DENR: variants seen among roughly 807,000 people sequenced by gnomAD.
DENR encodes density-regulated protein.
DENR carries 6 observed loss-of-function variants against 30.6 expected under a neutral mutation model. The ratio of observed to expected loss-of-function variants is 0.20; its 90% CI spans 0.11 to 0.39. The LOEUF is 0.39. Ranked by LOEUF, DENR falls within the 10% of genes least tolerant of loss-of-function variation. DENR has a pLI of 1.00. For missense variants in DENR, 141 were observed against 230.9 expected (o/e 0.61, Z 2.52); for synonymous variants, 78 against 72.1 (o/e 1.08, Z -0.41).
Position 122,769,196 on chromosome 12 carries a change from G to T in DENR, c.*118G>T, listed in dbSNP as rs1411086592. On this transcript the variant is annotated 3_prime_UTR_variant, in exon 8 of 8. Transcript: ENST00000280557. ...TATATATGTATATATACACATATAT[G>T]TATGTATACACATATACACATGTAT... 2.0e-6 allele frequency: 2 copies of T among 979,256 alleles called. No individual in the cohort carries two copies. The highest frequency in any genetic ancestry group is 2.7e-6 in the Non-Finnish European group (2 of 751,554). 60.7% of individuals were successfully genotyped at this position (979,256 alleles called of 1,614,324 possible).
chr12:122,769,307 CACATATGTATACATATATAT>C lies in DENR; in HGVS notation c.*231_*250del. On this transcript the variant is annotated 3_prime_UTR_variant, in exon 8 of 8. Transcript: ENST00000280557. ...ATACACATATATGTATACATATATA[CACATATGTATACATATATAT>C]ATATTCTACAGTAAAACTGTAGACT... 1.4e-6 allele frequency: 1 copy of C among 720,254 alleles called. No homozygotes were observed. The highest frequency in any genetic ancestry group is 1.6e-6 in the Non-Finnish European group (1 of 641,064). 44.6% of individuals were successfully genotyped at this position (720,254 alleles called of 1,614,324 possible). A position where few individuals can be genotyped will look rare whatever the true frequency, so the allele number is the denominator to read the frequency against.
chr12:122,754,648 TA>T (rs899026617), intron 2 of DENR, among the ~76,000 whole-genome samples: 11 of 152,204 alleles, frequency 7.2e-5, no homozygotes, highest in African/African-American at 2.7e-4. Context: ...ATCTGACATT[TA>T]AGTACCGTAG....
intron 2 of DENR, 40 bp from the exon 3 acceptor site, chr12:122,762,146 AG>A (rs1878717601): frequency 4.5e-6 from 6 of 1,331,976 alleles, no homozygotes; most frequent in Non-Finnish European, 6.2e-6. Flanking sequence ...GTGTACATAT[AG>A]GTTTAACATT....
intron 2 of DENR, among the ~76,000 whole-genome samples, chr12:122,760,293 G>A (rs1167332929): frequency 6.6e-6 from 1 of 152,138 alleles, no homozygotes; most frequent in Non-Finnish European, 1.5e-5. Flanking sequence ...ACATAATAAT[G>A]TATATAAGGC....
chr12:122,767,534 G>T lies in DENR; in HGVS notation c.342G>T (p.Lys114Asn). The T allele has an allele frequency of 6.3e-7, 1 of 1,597,582 alleles. No homozygotes were observed. ...IKQKKKTVPQ[K>N]VTIAKIPRAK... is the part of the protein sequence containing the mutation. ...AAAAAAAGAAGACCGTACCACAAAA[G>T]GTTACTATAGCCAAAATTCCCAGAG... is the stretch of plus-strand genomic sequence containing the variant. The change falls in exon 6 of 8, where the codon AAG becomes AAT. Residue 114 changes from lysine to asparagine, a missense_variant. Physicochemically the swap from Lys to Asn is moderately conservative, Grantham distance 94. This residue lies in a region of DENR where 104 missense variants were observed against 138.3 expected (regional missense o/e 0.75). Coordinates refer to ENST00000280557, the MANE Select transcript of DENR (RefSeq NM_003677.5).
rs1328693536 is a variant in DENR, at chr12:122,771,056, T to C, written c.*1978T>C. 2 of 254,884 alleles carry C rather than the reference T, an allele frequency of 7.8e-6. No homozygotes were observed. The highest frequency in any genetic ancestry group is 1.5e-5 in the Non-Finnish European group (2 of 136,182). 15.8% of individuals were successfully genotyped at this position (254,884 alleles called of 1,614,324 possible). A position where few individuals can be genotyped will look rare whatever the true frequency, so the allele number is the denominator to read the frequency against. On this transcript the variant is annotated 3_prime_UTR_variant, in exon 8 of 8. Coordinates refer to ENST00000280557, the MANE Select transcript of DENR (RefSeq NM_003677.5). ...GAAAATGCAGGATTAAAATTGTCCT[T>C]GTGTATAACGTGTGAATCATTTTTT...
At chr12:122,754,970 A>C (rs1459820867) in intron 2 of DENR, among the ~76,000 whole-genome samples, 1 of 152,254 alleles carries the variant, frequency 6.6e-6, no homozygotes, top group Non-Finnish European at 1.5e-5. Flanking sequence ...AAAAACCAGA[A>C]CACCACTAAA....
At chr12:122,756,294 C>G (rs1001439894) in intron 2 of DENR, among the ~76,000 whole-genome samples, 1 of 152,072 alleles carries the variant, frequency 6.6e-6, no homozygotes. Flanking sequence ...ACTAAAAATA[C>G]AAAAATTAGC....
chr12:122,769,030 A>G lies in DENR; in HGVS notation c.553-4A>G, dbSNP rs745382001. ...CATGAGATATAATTATTTGTGTTTT[A>G]TAGGTAGATGATGACAGCATCGAAG... On this transcript the variant is annotated splice_polypyrimidine_tract_variant and splice_region_variant and intron_variant, in intron 7 of 7. Coordinates refer to ENST00000280557, the MANE Select transcript of DENR (RefSeq NM_003677.5). 1.9e-6 allele frequency: 3 copies of G among 1,610,894 alleles called. No individual in the cohort carries two copies. The highest frequency in any genetic ancestry group is 1.1e-5 in the South Asian group (1 of 90,210).
chr12:122,762,983 T>TATGG, intron 4 of DENR, 54 bp downstream of exon 4: 2 of 955,340 alleles, frequency 2.1e-6, no homozygotes, highest in Non-Finnish European at 3.2e-6. Context: ...CAAATGCATG[T>TATGG]ATGGCATTAT....
At chr12:122,761,495 A>T (rs981172754) in intron 2 of DENR, among the ~76,000 whole-genome samples, 1 of 152,172 alleles carries the variant, frequency 6.6e-6, no homozygotes, top group East Asian at 1.9e-4. Context: ...GTATGAATAA[A>T]AAGTGGTGGC....
In DENR at chr12:122,753,740, C is replaced by T; in HGVS notation, c.39C>T (p.Cys13=). Residue 13 remains cysteine, a synonymous_variant, in exon 2 of 8, where the codon TGC becomes TGT. Coordinates refer to ENST00000280557, the MANE Select transcript of DENR (RefSeq NM_003677.5). ...TTTCTGAATCCAGCGGGGCTGACTG[C>T]AAAGGAGACCCAAGGAACAGTGCCA... ...ADISESSGAD[C]KGDPRNSAKL... is the part of the protein sequence containing the mutation. 1.2e-6 allele frequency: 2 copies of T among 1,614,020 alleles called. No homozygotes were observed. Among genetic ancestry groups the T allele is most frequent in the Non-Finnish European group, 1.7e-6 (2 of 1,179,900 alleles).
chr12:122,764,152 T>A (rs1878780983), intron 4 of DENR, among the ~76,000 whole-genome samples: 1 of 152,092 alleles, frequency 6.6e-6, no homozygotes, highest in Non-Finnish European at 1.5e-5. Flanking sequence ...GAGAAGAGTT[T>A]GATATGAAGT....
chr12:122,753,091 G>C (rs768369176), intron 1 of DENR, 141 bp downstream of exon 1: 1 of 154,124 alleles, frequency 6.5e-6, no homozygotes, highest in African/African-American at 2.4e-5. Context: ...CGTCCCCGGG[G>C]TTGCTCCTTC....
At chr12:122,753,627 G>C in intron 1 of DENR, 66 bp from the exon 2 acceptor site, 1 of 1,272,212 alleles carries the variant, frequency 7.9e-7, no homozygotes, top group Non-Finnish European at 1.1e-6. Context: ...TCTGTTGAGA[G>C]GAACACTGCT....
chr12:122,753,457 C>T (rs372476427), intron 1 of DENR, among the ~76,000 whole-genome samples: 26 of 152,140 alleles, frequency 1.7e-4, no homozygotes, highest in African/African-American at 5.8e-4. Flanking sequence ...CTAGTGAGTC[C>T]CTCTGCCCCA....
chr12:122,765,214 A>G (rs1209997262), intron 4 of DENR, 90 bp from the exon 5 acceptor site: 8 of 981,484 alleles, frequency 8.2e-6, no homozygotes, highest in Non-Finnish European at 1.2e-5. Context: ...AAGATGCCTT[A>G]TTTGTATATG....
rs1878979444 is a variant in DENR at position 122,769,614 on chromosome 12, C to G, written c.*536C>G. On this transcript the variant is annotated 3_prime_UTR_variant, in exon 8 of 8. Coordinates refer to ENST00000280557, the MANE Select transcript of DENR (RefSeq NM_003677.5). ...CTCCGCCTCCCGGGTTCAAGTGATT[C>G]TCCTGCCTCAGCCTCCCAAGTAGGT... 5.5e-6 allele frequency: 2 copies of G among 363,994 alleles called. No homozygotes were observed. Among genetic ancestry groups the G allele is most frequent in the Non-Finnish European group, 8.0e-6 (2 of 251,488 alleles). 22.5% of individuals were successfully genotyped at this position (363,994 alleles called of 1,614,324 possible).
intron 6 of DENR, 82 bp downstream of exon 6, chr12:122,767,686 C>T (rs1158662076): frequency 4.2e-6 from 3 of 716,804 alleles, no homozygotes; most frequent in East Asian, 6.6e-5. Flanking sequence ...CTCTCTCTCT[C>T]TCACATACCA....
Sources: gnomAD v4.1 joint callset for allele counts (sites outside exome capture counted in the v4.1 genomes callset) on GRCh38, gnomAD v4.1.1 for gene constraint, gnomAD v4.1.1 regional missense constraint, MANE v1.5 for transcripts, NCBI Gene and HGNC (gene_info 2026-07-23, HGNC 2026-07-21) for gene names.